The following CNOT4 variants were observed in gnomAD, a reference collection of about 807,000 sequenced individuals.
The protein encoded by CNOT4 is CCR4-NOT transcription complex subunit 4.
CNOT4 carries 8 observed loss-of-function variants against 73.8 expected under a neutral mutation model. The observed-to-expected ratio is 0.11, with a 90% CI of 0.06 to 0.20. The LOEUF is 0.20. Among genes scored for constraint, CNOT4 ranks in the 10% least tolerant of loss-of-function variants. The probability of loss-of-function intolerance (pLI) is 1.00; values close to 1 mark genes in which losing one functional copy is unlikely to be tolerated. For missense variants in CNOT4, 564 were observed against 883.4 expected, an observed-to-expected ratio of 0.64 and a Z score of 4.58; for synonymous variants, 293 against 321.1, an observed-to-expected ratio of 0.91 and a Z score of 0.94.
chr7:135,489,407 T>A (rs1327556161), intron 1 of CNOT4, among the ~76,000 whole-genome samples: 2 of 144,976 alleles, frequency 1.4e-5, no homozygotes, highest in East Asian at 4.0e-4. Flanking sequence ...TTTTTTTTTT[T>A]TTTTTTTTGA....
intron 1 of CNOT4, among the ~76,000 whole-genome samples, chr7:135,490,182 T>C (rs1040313921): frequency 6.6e-6 from 1 of 152,252 alleles, no homozygotes; most frequent in Admixed American, 6.5e-5. Flanking sequence ...AATTTCCCTT[T>C]TGCTATCATG....
intron 1 of CNOT4, among the ~76,000 whole-genome samples, chr7:135,504,329 T>C (rs1209793732): frequency 6.6e-6 from 1 of 150,504 alleles, no homozygotes; most frequent in Non-Finnish European, 1.5e-5. Flanking sequence ...AAAGTCTCAC[T>C]CTGTCACCCA....
intron 1 of CNOT4, among the ~76,000 whole-genome samples, chr7:135,469,610 T>C (rs1801446301): frequency 1.3e-5 from 2 of 152,314 alleles, no homozygotes; most frequent in South Asian, 4.1e-4. Flanking sequence ...AGGTCATTTA[T>C]GGTATAGCCT....
intron 1 of CNOT4, among the ~76,000 whole-genome samples, chr7:135,474,970 G>A (rs945603539): frequency 6.6e-6 from 1 of 152,020 alleles, no homozygotes; most frequent in Non-Finnish European, 1.5e-5. Flanking sequence ...AGAAATGTGC[G>A]CTGTTTCAAC....
At chr7:135,423,973 T>TA (rs1798335535) in intron 2 of CNOT4, among the ~76,000 whole-genome samples, 1 of 151,076 alleles carries the variant, frequency 6.6e-6, no homozygotes, top group Admixed American at 6.6e-5. Flanking sequence ...CATCAAAAGC[T>TA]ACTCTCCAGA....
At chr7:135,416,621 T>C (rs910658598) in intron 3 of CNOT4, among the ~76,000 whole-genome samples, 9 of 152,202 alleles carry the variant, frequency 5.9e-5, no homozygotes, top group Non-Finnish European at 1.3e-4. Flanking sequence ...ATATTCCAGC[T>C]GGATGCATAC....
chr7:135,472,279 C>A (rs1432800843), intron 1 of CNOT4, among the ~76,000 whole-genome samples: 1 of 149,454 alleles, frequency 6.7e-6, no homozygotes, highest in Non-Finnish European at 1.5e-5. Flanking sequence ...AGATCGAGAC[C>A]ATCCTGGATA....
At chr7:135,445,004 C>T (rs1191643633) in intron 1 of CNOT4, 3 of 833,448 alleles carry the variant, frequency 3.6e-6, no homozygotes, top group East Asian at 2.4e-5. Flanking sequence ...ATTAAGCTCA[C>T]AATAAGGAAG....
At chr7:135,428,982 TAC>T (rs767015509) in intron 2 of CNOT4, among the ~76,000 whole-genome samples, 7 of 152,156 alleles carry the variant, frequency 4.6e-5, no homozygotes, top group Non-Finnish European at 7.4e-5. Context: ...TACAAAGTTA[TAC>T]ACACACACAT....
chr7:135,402,744 T>C (rs192198805), intron 7 of CNOT4, among the ~76,000 whole-genome samples: 69 of 152,320 alleles, frequency 4.5e-4, no homozygotes, highest in South Asian at 8.3e-4. Flanking sequence ...TTCAAAACTG[T>C]CTGCAAACAG....
chr7:135,487,567 T>C (rs1301885393), intron 1 of CNOT4, among the ~76,000 whole-genome samples: 2 of 152,170 alleles, frequency 1.3e-5, no homozygotes, highest in East Asian at 3.8e-4. Context: ...GCAGGTATTA[T>C]GGACTCTTTC....
chr7:135,453,826 T>TTATATATATATATATATATATATA (rs55732572), intron 1 of CNOT4, among the ~76,000 whole-genome samples: 34 of 89,898 alleles, frequency 3.8e-4, no homozygotes, highest in Non-Finnish European at 4.4e-4. Context: ...TATATATATT[T>TTATATATATATATATATATATATA]TATATATATA....
chr7:135,452,846 T>C (rs1800261476), intron 1 of CNOT4, among the ~76,000 whole-genome samples: 2 of 152,180 alleles, frequency 1.3e-5, no homozygotes, highest in Non-Finnish European at 2.9e-5. Flanking sequence ...CAGGAGTTTA[T>C]AAAATTAAAG....
chr7:135,499,784 T>C (rs895487835), intron 1 of CNOT4, among the ~76,000 whole-genome samples: 5 of 152,102 alleles, frequency 3.3e-5, no homozygotes, highest in Admixed American at 6.6e-5. Flanking sequence ...GCAAGAAAGA[T>C]GGATAATCCT....
At chr7:135,424,807 A>C (rs1284652807) in intron 2 of CNOT4, among the ~76,000 whole-genome samples, 2 of 150,536 alleles carry the variant, frequency 1.3e-5, no homozygotes, top group African/African-American at 4.8e-5. Flanking sequence ...ACAAACAAAC[A>C]AACAAACAAA....
intron 1 of CNOT4, among the ~76,000 whole-genome samples, chr7:135,470,138 G>T (rs149142029): frequency 1.7e-4 from 25 of 149,824 alleles, no homozygotes; most frequent in African/African-American, 3.9e-4. Flanking sequence ...TGTTTTTTTG[G>T]GGGGGGAGGC....
chr7:135,421,157 A>C (rs1798171207), intron 3 of CNOT4, among the ~76,000 whole-genome samples: 1 of 152,178 alleles, frequency 6.6e-6, no homozygotes, highest in South Asian at 2.1e-4. Flanking sequence ...ATATAAACAC[A>C]TCATCAATAA....
chr7:135,473,401 T>G (rs1408954173), intron 1 of CNOT4, among the ~76,000 whole-genome samples: 2 of 152,050 alleles, frequency 1.3e-5, no homozygotes, highest in Non-Finnish European at 2.9e-5. Context: ...AACATGACAG[T>G]TTTCCATTTA....
chr7:135,371,342 C>T (rs1201818331), intron 10 of CNOT4, among the ~76,000 whole-genome samples: 2 of 152,138 alleles, frequency 1.3e-5, no homozygotes, highest in African/African-American at 4.8e-5. Flanking sequence ...TAAATAACTA[C>T]AACATGGGAT....
Sources: allele counts gnomAD v4.1 joint callset (sites outside exome capture counted in the v4.1 genomes callset), GRCh38; gene constraint gnomAD v4.1.1; transcripts MANE v1.5; gene names NCBI Gene and HGNC (gene_info 2026-07-23, HGNC 2026-07-21).